POFUT3: variants seen among roughly 807,000 people sequenced by gnomAD.
The protein encoded by POFUT3 is protein O-fucosyltransferase 3.
the POFUT3 span, among the ~76,000 whole-genome samples, chr8:33,323,238 C>A: frequency 6.6e-6 from 1 of 152,090 alleles, no homozygotes; most frequent in Non-Finnish European, 1.5e-5. Context: ...CTTGATGATG[C>A]GGACAGTATG....
At chr8:33,386,627 G>A in the POFUT3 span, among the ~76,000 whole-genome samples, 1 of 152,096 alleles carries the variant, frequency 6.6e-6, no homozygotes, top group African/African-American at 2.4e-5. Flanking sequence ...TGGCTAACAC[G>A]ATGAAACCCC....
chr8:33,345,639 G>C, the POFUT3 span, among the ~76,000 whole-genome samples: 2 of 151,474 alleles, frequency 1.3e-5, no homozygotes, highest in African/African-American at 4.9e-5. Context: ...GACGTCAAGT[G>C]ATCCGCCCAC....
chr8:33,375,582 C>A, the POFUT3 span, among the ~76,000 whole-genome samples: 149 of 152,108 alleles, frequency 9.8e-4, no homozygotes, highest in African/African-American at 3.4e-3. Context: ...GCAATTATTA[C>A]CTGGGAAAGA....
At chr8:33,382,598 CAG>C in the POFUT3 span, among the ~76,000 whole-genome samples, 1 of 152,072 alleles carries the variant, frequency 6.6e-6, no homozygotes, top group African/African-American at 2.4e-5. Context: ...TGGTGGCGCA[CAG>C]AACTCTGGCA....
chr8:33,309,155 AAAAAAAAAAAAAATATAT>A, the POFUT3 span, among the ~76,000 whole-genome samples: 11 of 45,912 alleles, frequency 2.4e-4, no homozygotes, highest in South Asian at 1.4e-3. Context: ...AAAAAAAAAA[AAAAAAAAAAAAAATATAT>A]ATATATATAT....
the POFUT3 span, among the ~76,000 whole-genome samples, chr8:33,441,845 T>A: frequency 6.6e-6 from 1 of 152,200 alleles, no homozygotes; most frequent in Admixed American, 6.5e-5. Context: ...ATGGGGGCCA[T>A]CATTTCCAAA....
chr8:33,444,459 G>T, the POFUT3 span, among the ~76,000 whole-genome samples: 24 of 152,162 alleles, frequency 1.6e-4, no homozygotes, highest in African/African-American at 5.3e-4. Flanking sequence ...CTTGAATGAG[G>T]TGGGGTCACT....
At chr8:33,418,721 G>C in the POFUT3 span, among the ~76,000 whole-genome samples, 1 of 152,188 alleles carries the variant, frequency 6.6e-6, no homozygotes, top group African/African-American at 2.4e-5. Context: ...CAATCCCACT[G>C]CTGGGTATCT....
chr8:33,432,361 C>T, the POFUT3 span, among the ~76,000 whole-genome samples: 2 of 150,360 alleles, frequency 1.3e-5, no homozygotes, highest in Admixed American at 1.3e-4. Context: ...GAGCCAAGAT[C>T]GCACCACTGC....
At chr8:33,340,374 G>A in the POFUT3 span, among the ~76,000 whole-genome samples, 1 of 151,458 alleles carries the variant, frequency 6.6e-6, no homozygotes, top group Non-Finnish European at 1.5e-5. Context: ...AGCTACATAT[G>A]TGTGTGTGTA....
the POFUT3 span, among the ~76,000 whole-genome samples, chr8:33,398,222 T>C: frequency 3.9e-5 from 6 of 152,224 alleles, no homozygotes; most frequent in African/African-American, 1.4e-4. Flanking sequence ...TTGTTTTGTT[T>C]TTCAATTTTT....
chr8:33,436,596 C>G, the POFUT3 span: 1 of 900,062 alleles, frequency 1.1e-6, no homozygotes, highest in African/African-American at 1.6e-5. Context: ...AGCCATAATT[C>G]TTAATGATGC....
the POFUT3 span, among the ~76,000 whole-genome samples, chr8:33,358,878 CA>C: frequency 6.6e-6 from 1 of 152,078 alleles, no homozygotes; most frequent in Non-Finnish European, 1.5e-5. Flanking sequence ...AACTCTCACT[CA>C]TTTTGCAATA....
At chr8:33,374,904 C>T in the POFUT3 span, among the ~76,000 whole-genome samples, 2 of 141,472 alleles carry the variant, frequency 1.4e-5, no homozygotes, top group Admixed American at 7.3e-5. Flanking sequence ...GACAGAATCT[C>T]GCTTTGTCTC....
At chr8:33,317,266 A>C in the POFUT3 span, among the ~76,000 whole-genome samples, 1 of 152,176 alleles carries the variant, frequency 6.6e-6, no homozygotes, top group Non-Finnish European at 1.5e-5. Context: ...CCAAAGAGAA[A>C]ATACTGTCCA....
the POFUT3 span, among the ~76,000 whole-genome samples, chr8:33,440,219 A>G: frequency 1.3e-5 from 2 of 152,052 alleles, no homozygotes; most frequent in African/African-American, 4.8e-5. Context: ...AAAATTAGCC[A>G]GGCATGGTGG....
chr8:33,413,282 A>C, the POFUT3 span, among the ~76,000 whole-genome samples: 14 of 152,118 alleles, frequency 9.2e-5, no homozygotes, highest in Non-Finnish European at 1.6e-4. Flanking sequence ...TGGAGCCCTT[A>C]TGATAGGATT....
At chr8:33,453,509 A>AC in the POFUT3 span, 1 of 1,592,868 alleles carries the variant, frequency 6.3e-7, no homozygotes, top group African/African-American at 1.3e-5. Flanking sequence ...CTCAACCATG[A>AC]CCTAAAAGAG....
the POFUT3 span, among the ~76,000 whole-genome samples, chr8:33,348,170 CAAA>C: frequency 0.29 from 27,897 of 94,730 alleles, 2,977 homozygotes; most frequent in South Asian, 0.57. Flanking sequence ...GACTCTGCCT[CAAA>C]AAAAAAAAAA....
Sources: allele counts gnomAD v4.1 joint callset (sites outside exome capture counted in the v4.1 genomes callset), GRCh38; gene constraint gnomAD v4.1.1; transcripts MANE v1.5; gene names NCBI Gene and HGNC (gene_info 2026-07-23, HGNC 2026-07-21).